The following ITK variants were observed in gnomAD, a reference collection of about 807,000 sequenced individuals.
The protein encoded by ITK is tyrosine-protein kinase ITK/TSK.
A neutral mutation model predicts 87.6 loss-of-function variants in ITK; 45 were observed. The ratio of observed to expected loss-of-function variants is 0.51; its 90% CI spans 0.40 to 0.66. The LOEUF is 0.66. Ranked by LOEUF, ITK falls within the 30% of genes least tolerant of loss-of-function variation. The pLI, the probability that ITK is intolerant of heterozygous loss-of-function variation, is 0.00. For synonymous variants in ITK, 303 were observed against 273.6 expected (o/e 1.11, Z -1.06); for missense variants, 605 against 766.3 (o/e 0.79, Z 2.48).
At chr5:157,211,007 A>G (rs1222424140) in intron 2 of ITK, among the ~76,000 whole-genome samples, 1 of 152,056 alleles carries the variant, frequency 6.6e-6, no homozygotes, top group Admixed American at 6.5e-5. Context: ...TGAGAAATAA[A>G]TGTGGTTTCT....
intron 1 of ITK, among the ~76,000 whole-genome samples, chr5:157,201,715 T>G (rs572180354): frequency 7.9e-4 from 113 of 143,478 alleles, no homozygotes; most frequent in African/African-American, 2.7e-3. Flanking sequence ...TCTTTTTCAT[T>G]GCACACCACA....
At chr5:157,232,594 G>A (rs1340693431) in intron 8 of ITK, among the ~76,000 whole-genome samples, 200 bp downstream of exon 8, 7 of 120,154 alleles carry the variant, frequency 5.8e-5, no homozygotes, top group Admixed American at 4.8e-4. Context: ...AGAAAGAGAG[G>A]AAGGGAGGGA....
chr5:157,239,325 G>A (rs1754839822), intron 9 of ITK, among the ~76,000 whole-genome samples: 1 of 152,180 alleles, frequency 6.6e-6, no homozygotes, highest in Non-Finnish European at 1.5e-5. Flanking sequence ...CTCTCCCACT[G>A]GAGCCAAACA....
chr5:157,198,211 TA>T (rs1303687346), intron 1 of ITK, among the ~76,000 whole-genome samples: 1 of 152,182 alleles, frequency 6.6e-6, no homozygotes, highest in East Asian at 1.9e-4. Context: ...CTGCTCTTCA[TA>T]GTTTCTTATG....
chr5:157,212,745 G>C (rs772812569), intron 3 of ITK, among the ~76,000 whole-genome samples: 3 of 152,044 alleles, frequency 2.0e-5, no homozygotes, highest in African/African-American at 4.8e-5. Context: ...CCAGCTACCC[G>C]GGAGGCTGAG....
chr5:157,209,693 A>G (rs1219659652), intron 2 of ITK, among the ~76,000 whole-genome samples: 1 of 152,132 alleles, frequency 6.6e-6, no homozygotes, highest in East Asian at 1.9e-4. Flanking sequence ...TTGCTTGGAG[A>G]TTCTGAGGCA....
intron 1 of ITK, chr5:157,195,525 T>C (rs1753834612): frequency 6.6e-6 from 1 of 152,238 alleles, no homozygotes; most frequent in Non-Finnish European, 1.5e-5. Context: ...CACATTTCAA[T>C]AATTTTAAAA....
At chr5:157,185,673 C>T (rs1303436958) in intron 1 of ITK, among the ~76,000 whole-genome samples, 1 of 148,584 alleles carries the variant, frequency 6.7e-6, no homozygotes, top group East Asian at 2.0e-4. Context: ...TGGTGAGACT[C>T]CGTCTCCACA....
chr5:157,219,040 G>A (rs192272576), intron 5 of ITK, among the ~76,000 whole-genome samples: 370 of 151,388 alleles, frequency 2.4e-3, no homozygotes, highest in Non-Finnish European at 3.5e-3. Context: ...ATGGGGGAAA[G>A]GATCATGACC....
At chr5:157,247,055 A>G (rs1228999904) in intron 15 of ITK, among the ~76,000 whole-genome samples, 1 of 152,220 alleles carries the variant, frequency 6.6e-6, no homozygotes, top group East Asian at 1.9e-4. Context: ...TATACTGTGG[A>G]CAGAAACTAC....
intron 16 of ITK, among the ~76,000 whole-genome samples, chr5:157,251,816 A>C (rs1032001819): frequency 6.6e-6 from 1 of 152,192 alleles, no homozygotes; most frequent in African/African-American, 2.4e-5. Flanking sequence ...ATTTATATGG[A>C]TCTATATCTG....
In ITK at chr5:157,185,674, C is replaced by T. The variant is rs560935064; in HGVS notation, c.138+4559C>T. On this transcript the variant is annotated intron_variant, in intron 1 of 16. Coordinates refer to ENST00000422843, the MANE Select transcript of ITK (RefSeq NM_005546.4). Reference sequence around the variant, plus strand: ...CAGCCTGGGCAACATGGTGAGACTCCGTCTCCACAAAAAAAAAAAAAAAGC... The same window carrying T: ...CAGCCTGGGCAACATGGTGAGACTCTGTCTCCACAAAAAAAAAAAAAAAGC... Among the ~76,000 whole-genome samples, 3 of 145,936 alleles carry T rather than the reference C, an allele frequency of 2.1e-5. No individual in the cohort carries two copies. The South Asian group carries it at 6.8e-4, about 33-fold the overall frequency.
At chr5:157,213,215 T>C (rs745890128) in intron 3 of ITK, among the ~76,000 whole-genome samples, 12 of 152,140 alleles carry the variant, frequency 7.9e-5, no homozygotes, top group Non-Finnish European at 1.5e-4. Flanking sequence ...AGGAGGAACT[T>C]GCCAAATACT....
intron 1 of ITK, among the ~76,000 whole-genome samples, chr5:157,185,405 A>G (rs989157012): frequency 6.6e-6 from 1 of 151,630 alleles, no homozygotes; most frequent in African/African-American, 2.4e-5. Flanking sequence ...TGCTTGGCTA[A>G]TTTTTGTATT....
chr5:157,252,539 G>T, intron 16 of ITK, 68 bp from the exon 17 acceptor site: 2 of 1,162,744 alleles, frequency 1.7e-6, no homozygotes, highest in Non-Finnish European at 2.6e-6. Context: ...TTAAATTCTG[G>T]TTTGTTTTGG....
At chr5:157,230,493 G>A (rs1249674111) in intron 7 of ITK, among the ~76,000 whole-genome samples, 10 of 152,088 alleles carry the variant, frequency 6.6e-5, no homozygotes, top group Non-Finnish European at 1.2e-4. Context: ...GTGAAGAACC[G>A]TCATTTTCTG....
chr5:157,207,377 CTTTTTTTTTTTTTT>C (rs536290068), intron 1 of ITK, among the ~76,000 whole-genome samples: 5 of 59,126 alleles, frequency 8.5e-5, no homozygotes, highest in East Asian at 1.7e-3. Flanking sequence ...AGATACGTCT[CTTTTTTTTTTTTTT>C]TTTTTTTTTT....
chr5:157,240,415 A>G, intron 10 of ITK: 1 of 590,630 alleles, frequency 1.7e-6, no homozygotes, highest in Non-Finnish European at 3.0e-6. Flanking sequence ...TTCATCCTGA[A>G]AGCAACCCCC....
At chr5:157,206,250 T>C (rs1267682845) in intron 1 of ITK, among the ~76,000 whole-genome samples, 1 of 152,102 alleles carries the variant, frequency 6.6e-6, no homozygotes, top group East Asian at 1.9e-4. Context: ...CCACCACGCC[T>C]GGCTGGATTA....
Sources: allele counts gnomAD v4.1 joint callset (sites outside exome capture counted in the v4.1 genomes callset), GRCh38; gene constraint gnomAD v4.1.1; transcripts MANE v1.5; gene names NCBI Gene and HGNC (gene_info 2026-07-23, HGNC 2026-07-21).